TNK2: variants seen among roughly 807,000 people sequenced by gnomAD.
The protein encoded by TNK2 is tyrosine kinase non receptor 2.
Under a neutral mutation model 101.8 loss-of-function variants are expected in TNK2, and 83 were observed. The ratio of observed to expected loss-of-function variants is 0.82; its 90% confidence interval spans 0.68 to 0.98. The LOEUF is 0.98. TNK2 is among the 50% of genes least tolerant of loss of function. TNK2 has a pLI of 0.00. For synonymous variants in TNK2, 804 were observed against 633.0 expected, an observed-to-expected ratio of 1.27 and a Z score of -4.06; for missense variants, 1,665 against 1,483.2, an observed-to-expected ratio of 1.12 and a Z score of -2.01.
intron 4 of TNK2, 114 bp downstream of exon 4, chr3:195,884,698 A>G: frequency 2.2e-6 from 2 of 912,912 alleles, no homozygotes; most frequent in East Asian, 2.7e-5. Flanking sequence ...CTCTGGGATG[A>G]GCCACACTGT....
Position 195,886,941 on chromosome 3 carries a change from C to A in TNK2, c.234+36G>T. The A allele has an allele frequency of 7.1e-7, 1 of 1,412,150 alleles. No homozygotes were observed. The highest frequency in any genetic ancestry group is 1.0e-6 in the Non-Finnish European group (1 of 997,218). The allele number at this position is 1,412,150 out of a possible 1,614,324, so 87.5% of individuals were successfully genotyped here. A position where few individuals can be genotyped will look rare whatever the true frequency, so the allele number is the denominator to read the frequency against. ...AAGCGGAGGGGGGCGTTCGAGGCTG[C>A]CCCCCTCCCACCTCCTCACCCACCT... On this transcript the variant is annotated intron_variant, in intron 3 of 15. Transcript: ENST00000672887. This position sits in a 1 kb window ranked among gnomAD's most constrained non-coding sequence, Gnocchi z 4.2.
At chr3:195,899,621 C>T (rs1001641638) in intron 1 of TNK2, among the ~76,000 whole-genome samples, 3 of 152,340 alleles carry the variant, frequency 2.0e-5, no homozygotes, top group South Asian at 4.1e-4. Context: ...TGAGCCACTG[C>T]GCCCGGCCAA....
At chr3:195,866,058 T>C (rs1157971171) in intron 15 of TNK2, among the ~76,000 whole-genome samples, 2 of 152,238 alleles carry the variant, frequency 1.3e-5, no homozygotes, top group African/African-American at 2.4e-5. Context: ...TCAGTTCACT[T>C]CTTTTTGACT....
At chr3:195,903,367 A>G (rs1272076229) in intron 1 of TNK2, among the ~76,000 whole-genome samples, 1 of 152,200 alleles carries the variant, frequency 6.6e-6, no homozygotes, top group African/African-American at 2.4e-5. Context: ...ATGGTGAGAG[A>G]CTAAATGCAT....
intron 9 of TNK2, among the ~76,000 whole-genome samples, chr3:195,873,547 G>A (rs191238985): frequency 5.3e-4 from 80 of 152,246 alleles, no homozygotes; most frequent in Admixed American, 2.5e-3. Flanking sequence ...CGCGGGGGCG[G>A]TGACAGCCCA....
rs778397434 is a variant in TNK2, at chr3:195,867,913, C to T, written c.2385G>A (p.Pro795=). ...PGPASPPRVP[P]REPLSPQGSR... Reference sequence around the variant, plus strand: ...AGCCTTGAGGGGACAGGGGCTCCCGCGGAGGCACCCGGGGAGGGGAAGCAG... The same window carrying T: ...AGCCTTGAGGGGACAGGGGCTCCCGTGGAGGCACCCGGGGAGGGGAAGCAG... Residue 795 remains proline, a synonymous_variant, in exon 13 of 16, where the codon CCG becomes CCA. Transcript: ENST00000672887. The T allele has an allele frequency of 4.2e-5, 64 of 1,529,582 alleles. No homozygotes were observed. Among genetic ancestry groups the T allele is most frequent in the African/African-American group, 3.5e-4 (25 of 71,658 alleles). The allele number at this position is 1,529,582 out of a possible 1,614,324, so 94.8% of individuals were successfully genotyped here.
rs2149457153 is a variant in TNK2, at chr3:195,878,706, AAAG to A, written c.1015-117_1015-115del. ...GCGGCTGCTGCCATGCCTGGCCTCCAAAGAAGGGATCTGCCTGCCTGGGAGGGG... is the reference window on the plus strand; with the variant it reads ...GCGGCTGCTGCCATGCCTGGCCTCCAAAGGGATCTGCCTGCCTGGGAGGGG... On this transcript the variant is annotated intron_variant, in intron 7 of 15. Coordinates refer to ENST00000672887, the MANE Select transcript of TNK2 (RefSeq NM_001382273.1). The surrounding 1 kb of genome is among the most constrained non-coding windows in gnomAD (Gnocchi z 4.7). 2.8e-6 allele frequency: 4 copies of A among 1,447,344 alleles called. No homozygotes were observed. The East Asian group carries it at 7.4e-5, about 27-fold the overall frequency. The allele number at this position is 1,447,344 out of a possible 1,614,324, so 89.7% of individuals were successfully genotyped here.
intron 15 of TNK2, among the ~76,000 whole-genome samples, chr3:195,864,403 AGAC>A (rs948458581): frequency 6.6e-6 from 1 of 152,106 alleles, no homozygotes; most frequent in African/African-American, 2.4e-5. Context: ...GAGAATCCGA[AGAC>A]GACAGGTGGG....
At position 195,872,956 on chromosome 3, in the gene TNK2, G is replaced by A. The variant is rs79836672; in HGVS notation, c.1257-486C>T. The A allele has an allele frequency of 4.3e-3, 700 of 164,014 alleles. 7 individuals carry two copies. The highest frequency in any genetic ancestry group is 0.016 in the African/African-American group (668 of 41,640). The allele number at this position is 164,014 out of a possible 1,614,324, so 10.2% of individuals were successfully genotyped here. The stretch of plus-strand genomic sequence containing the variant: ...GAGTTCTGAGAGGTGCGGGGGTGCC[G>A]GGGGACACCTAGGGCCTTGCACTAG... On this transcript the variant is annotated intron_variant, in intron 9 of 15. Transcript: ENST00000672887.
At position 195,872,074 on chromosome 3, in the gene TNK2, T is replaced by C. The variant is rs557174230; in HGVS notation, c.1451+202A>G. Among the ~76,000 whole-genome samples, 12 of 124,682 alleles carry C rather than the reference T, an allele frequency of 9.6e-5. No homozygotes were observed. In the East Asian group the frequency reaches 2.3e-3, roughly 24 times the overall value. 81.8% of individuals were successfully genotyped at this position (124,682 alleles called of 152,430 possible). On this transcript the variant is annotated intron_variant, in intron 10 of 15. Coordinates refer to ENST00000672887, the MANE Select transcript of TNK2 (RefSeq NM_001382273.1). Reference sequence around the variant, plus strand: ...AACACTCCCCTGGAGAACATTCCCCTGGAGAACCCCCACCAGGCTGGGCTT... The same window carrying C: ...AACACTCCCCTGGAGAACATTCCCCCGGAGAACCCCCACCAGGCTGGGCTT...
At chr3:195,873,685 A>G (rs1197055065) in intron 9 of TNK2, among the ~76,000 whole-genome samples, 1 of 152,168 alleles carries the variant, frequency 6.6e-6, no homozygotes, top group Non-Finnish European at 1.5e-5. Flanking sequence ...GGGAGAGAGG[A>G]CGGAGGAGGT....
chr3:195,874,435 C>G (rs73205792), intron 9 of TNK2, among the ~76,000 whole-genome samples: 49 of 152,352 alleles, frequency 3.2e-4, no homozygotes, highest in Non-Finnish European at 5.3e-4. Context: ...CTCGAGAAAA[C>G]ATGCTTGCTC....
chr3:195,870,453 C>T, intron 10 of TNK2: 2 of 1,318,076 alleles, frequency 1.5e-6, no homozygotes, highest in Non-Finnish European at 2.0e-6. Context: ...CAACTACACC[C>T]TACAAGGGCA....
chr3:195,877,350 A>T (rs1257276528), intron 9 of TNK2, among the ~76,000 whole-genome samples: 3 of 151,686 alleles, frequency 2.0e-5, no homozygotes, highest in Non-Finnish European at 4.4e-5. Context: ...TGCAGGTCAC[A>T]CTCCACACAG....
chr3:195,879,375 A>G (rs1265310299), intron 6 of TNK2, 200 bp from the exon 7 acceptor site: 5 of 671,138 alleles, frequency 7.5e-6, no homozygotes, highest in Non-Finnish European at 1.2e-5. Flanking sequence ...GTCTAAGCCC[A>G]GGCCTCTTAT....
intron 1 of TNK2, among the ~76,000 whole-genome samples, chr3:195,893,815 G>A (rs1467369758): frequency 4.6e-5 from 7 of 152,138 alleles, no homozygotes; most frequent in Non-Finnish European, 8.8e-5. Flanking sequence ...CTGGAGGGGT[G>A]GGCAGCTGGG....
At position 195,888,035 on chromosome 3, in the gene TNK2, C is replaced by T. The variant is rs1306398109; in HGVS notation, c.163+391G>A. ...GAGAGCAAGAAAGAGAGCGTGAGCA[C>T]GAATCAGCAAACCATCTGAGAGTTA... On this transcript the variant is annotated intron_variant, in intron 2 of 15. Coordinates refer to ENST00000672887, the MANE Select transcript of TNK2 (RefSeq NM_001382273.1). This position sits in a 1 kb window ranked among gnomAD's most constrained non-coding sequence, Gnocchi z 5.3. 1.3e-5 allele frequency among the ~76,000 whole-genome samples: 2 copies of T among 152,012 alleles called. No individual in the cohort carries two copies. Among genetic ancestry groups the T allele is most frequent in the African/African-American group, 2.4e-5 (1 of 41,382 alleles).
At chr3:195,877,786 A>T (rs568846161) in intron 9 of TNK2, among the ~76,000 whole-genome samples, 1 of 152,192 alleles carries the variant, frequency 6.6e-6, no homozygotes, top group Non-Finnish European at 1.5e-5. Flanking sequence ...GGCTGGAGGC[A>T]GGCCTGGGAG....
At position 195,882,561 on chromosome 3, in the gene TNK2, G is replaced by T; in HGVS notation, c.610-233C>A. The stretch of plus-strand genomic sequence containing the variant: ...AAGGAGCCCAAAGAGGCAGTGGCTA[G>T]AAATTCCAAAACTCAGCTGGACGTG... On this transcript the variant is annotated intron_variant, in intron 5 of 15. Transcript: ENST00000672887. This position sits in a 1 kb window ranked among gnomAD's most constrained non-coding sequence, Gnocchi z 4.2. 6.6e-7 allele frequency: 1 copy of T among 1,517,428 alleles called. No homozygotes were observed. The highest frequency in any genetic ancestry group is 2.5e-5 in the East Asian group (1 of 39,500). The allele number at this position is 1,517,428 out of a possible 1,614,324, so 94.0% of individuals were successfully genotyped here.
Sources: allele counts gnomAD v4.1 joint callset (sites outside exome capture counted in the v4.1 genomes callset), GRCh38; gene constraint gnomAD v4.1.1; non-coding constraint Gnocchi (gnomAD v3.1); transcripts MANE v1.5; gene names NCBI Gene and HGNC (gene_info 2026-07-23, HGNC 2026-07-21).